The following PDE1A variants were observed in gnomAD, a reference collection of about 807,000 sequenced individuals.
The protein encoded by PDE1A is dual specificity calcium/calmodulin-dependent 3',5'-cyclic nucleotide phosphodiesterase 1A.
A neutral mutation model predicts 61.7 loss-of-function variants in PDE1A; 35 were observed. The observed-to-expected ratio is 0.57, with a 90% CI of 0.43 to 0.75. The LOEUF (loss-of-function observed/expected upper bound fraction) is 0.75. PDE1A is among the 30% of genes least tolerant of loss of function. The pLI, the probability that PDE1A is intolerant of heterozygous loss-of-function variation, is 0.00. For missense variants in PDE1A, 597 were observed against 630.6 expected (o/e 0.95, Z 0.57); for synonymous variants, 232 against 213.2 (o/e 1.09, Z -0.77).
chr2:182,682,050 T>C, the PDE1A span, among the ~76,000 whole-genome samples: 1 of 152,240 alleles, frequency 6.6e-6, no homozygotes, highest in Non-Finnish European at 1.5e-5. Flanking sequence ...GACCTCCTTT[T>C]CTTATTGACT....
intron 2 of PDE1A, among the ~76,000 whole-genome samples, chr2:182,499,870 A>G (rs148542768): frequency 2.0e-5 from 3 of 152,346 alleles, no homozygotes; most frequent in Non-Finnish European, 4.4e-5. Flanking sequence ...AGCAAACGCA[A>G]TTCATGAGAG....
chr2:182,417,436 T>A lies in PDE1A; in HGVS notation c.53+9142A>T, dbSNP rs147212017. On this transcript the variant is annotated intron_variant, in intron 1 of 13. Transcript: ENST00000351439. ...GATATAGTAGGTCTGAAATACCACC[T>A]AATTTTTGGGATTTTTTAAAATTCC... Among the ~76,000 whole-genome samples the A allele has an allele frequency of 9.7e-3, 1,477 of 152,322 alleles. 24 individuals are homozygous for A. The highest frequency in any genetic ancestry group is 0.034 in the African/African-American group (1,393 of 41,582).
chr2:182,589,279 GGAAGGA>G, the PDE1A span, among the ~76,000 whole-genome samples: 1 of 145,488 alleles, frequency 6.9e-6, no homozygotes, highest in Non-Finnish European at 1.5e-5. Flanking sequence ...GAGGAAGGAA[GGAAGGA>G]AGGAAGGAAG....
chr2:182,565,447 G>A, the PDE1A span, among the ~76,000 whole-genome samples: 5 of 152,118 alleles, frequency 3.3e-5, no homozygotes, highest in Admixed American at 6.5e-5. Context: ...GCCATGTGAG[G>A]TGTCAGTCTG....
At chr2:182,323,896 A>G (rs373224942) in intron 1 of PDE1A, among the ~76,000 whole-genome samples, 1 of 152,148 alleles carries the variant, frequency 6.6e-6, no homozygotes, top group African/African-American at 2.4e-5. Flanking sequence ...CCAAGGCACA[A>G]CTGTAGGGCC....
the PDE1A span, among the ~76,000 whole-genome samples, chr2:182,623,238 G>A: frequency 9.2e-5 from 14 of 152,182 alleles, no homozygotes; most frequent in Non-Finnish European, 1.9e-4. Flanking sequence ...GGAGGTGACA[G>A]CACAATTACC....
intron 1 of PDE1A, among the ~76,000 whole-genome samples, chr2:182,425,214 T>C (rs1462598070): frequency 6.6e-6 from 1 of 152,176 alleles, no homozygotes; most frequent in Non-Finnish European, 1.5e-5. Context: ...CTTTCCAAAC[T>C]GCTGTGGGTG....
chr2:182,211,131 T>C (rs745448067), intron 7 of PDE1A, among the ~76,000 whole-genome samples: 1 of 152,192 alleles, frequency 6.6e-6, no homozygotes, highest in Non-Finnish European at 1.5e-5. Context: ...CTTCCAACCC[T>C]GTCACATTGG....
At chr2:182,334,101 C>CA (rs527904531) in intron 1 of PDE1A, among the ~76,000 whole-genome samples, 5 of 151,258 alleles carry the variant, frequency 3.3e-5, no homozygotes, top group East Asian at 1.9e-4. Context: ...GCCTACCAAC[C>CA]AAAAAAAACC....
intron 13 of PDE1A, among the ~76,000 whole-genome samples, chr2:182,153,315 G>A (rs1690891819): frequency 6.6e-6 from 1 of 152,156 alleles, no homozygotes; most frequent in South Asian, 2.1e-4. Flanking sequence ...TGGCACACAG[G>A]TAGGAGTATG....
chr2:182,571,350 T>C, the PDE1A span, among the ~76,000 whole-genome samples: 6 of 152,072 alleles, frequency 3.9e-5, no homozygotes, highest in Non-Finnish European at 8.8e-5. Flanking sequence ...AATCAAATCA[T>C]AGAAGAGATG....
chr2:182,668,025 T>C, the PDE1A span, among the ~76,000 whole-genome samples: 20 of 152,302 alleles, frequency 1.3e-4, no homozygotes, highest in Non-Finnish European at 2.5e-4. Context: ...TCCCAACCCA[T>C]GGACTTCAGT....
At chr2:182,210,980 T>A (rs914777475) in intron 7 of PDE1A, among the ~76,000 whole-genome samples, 2 of 152,188 alleles carry the variant, frequency 1.3e-5, no homozygotes, top group Non-Finnish European at 1.5e-5. Flanking sequence ...CAGGAGGGCC[T>A]TCTTGCTGTA....
chr2:182,691,285 C>A, the PDE1A span, among the ~76,000 whole-genome samples: 5 of 152,168 alleles, frequency 3.3e-5, no homozygotes, highest in African/African-American at 9.7e-5. Context: ...AACTATACTA[C>A]AAGGCTACAG....
At chr2:182,530,828 G>GA in the PDE1A span, among the ~76,000 whole-genome samples, 1 of 151,904 alleles carries the variant, frequency 6.6e-6, no homozygotes, top group Non-Finnish European at 1.5e-5. Flanking sequence ...GAAACATCAG[G>GA]AAAAAACAAA....
intron 1 of PDE1A, among the ~76,000 whole-genome samples, chr2:182,419,128 T>C (rs1574611314): frequency 6.6e-6 from 1 of 152,280 alleles, no homozygotes; most frequent in African/African-American, 2.4e-5. Flanking sequence ...GAAAGTATTT[T>C]CTAACAAGTT....
intron 2 of PDE1A, among the ~76,000 whole-genome samples, chr2:182,509,951 C>T (rs929382243): frequency 6.6e-6 from 1 of 152,056 alleles, no homozygotes; most frequent in Non-Finnish European, 1.5e-5. Context: ...CCTTGAACAT[C>T]CATACTTATG....
chr2:182,624,124 C>CAAAAA, the PDE1A span, among the ~76,000 whole-genome samples: 2 of 109,962 alleles, frequency 1.8e-5, no homozygotes, highest in East Asian at 2.5e-4. Context: ...GACTCCGTCT[C>CAAAAA]AAAAAAAAAA....
intron 1 of PDE1A, among the ~76,000 whole-genome samples, chr2:182,408,516 G>T (rs1405960639): frequency 6.6e-6 from 1 of 152,160 alleles, no homozygotes; most frequent in Non-Finnish European, 1.5e-5. Flanking sequence ...CCATGGCCCT[G>T]ACCTATCACC....
Sources: allele counts gnomAD v4.1 joint callset (sites outside exome capture counted in the v4.1 genomes callset), GRCh38; gene constraint gnomAD v4.1.1; transcripts MANE v1.5; gene names NCBI Gene and HGNC (gene_info 2026-07-23, HGNC 2026-07-21).